MME: variants seen among roughly 807,000 people sequenced by gnomAD.
MME encodes the protein neprilysin.
A neutral mutation model predicts 113.2 loss-of-function variants in MME; 98 were observed. That is an observed-to-expected ratio of 0.87 (90% CI 0.74 to 1.02). MME has a LOEUF of 1.02. MME is among the 50% of genes least tolerant of loss of function. MME has a pLI of 0.00. For missense variants in MME, 836 were observed against 896.0 expected, an observed-to-expected ratio of 0.93 and a Z score of 0.86; for synonymous variants, 292 against 300.6, an observed-to-expected ratio of 0.97 and a Z score of 0.30.
At chr3:155,042,913 T>C (rs1451163289) in intron 1 of MME, among the ~76,000 whole-genome samples, 3 of 43,662 alleles carry the variant, frequency 6.9e-5, no homozygotes, top group Admixed American at 6.2e-4. Flanking sequence ...TATATATATA[T>C]ATATATATAT....
Position 155,181,334 on chromosome 3 carries a change from G to A in MME, c.*875G>A, listed in dbSNP as rs200708180. The A allele has an allele frequency of 3.3e-5, 5 of 152,088 alleles. No homozygotes were observed. Among genetic ancestry groups the A allele is most frequent in the Non-Finnish European group, 7.4e-5 (5 of 68,016 alleles). The allele number at this position is 152,088 out of a possible 1,614,324, so 9.4% of individuals were successfully genotyped here. A position where few individuals can be genotyped will look rare whatever the true frequency, so the allele number is the denominator to read the frequency against. On this transcript the variant is annotated 3_prime_UTR_variant, in exon 23 of 23. Coordinates refer to ENST00000360490, the MANE Select transcript of MME (RefSeq NM_007289.4). ...TAAAGCGATATACAGATGAAAATTTGAGACTATTTAAACTTATAAATCATA... is the reference window on the plus strand; with the variant it reads ...TAAAGCGATATACAGATGAAAATTTAAGACTATTTAAACTTATAAATCATA...
At chr3:155,086,959 C>A (rs151243551) in intron 3 of MME, among the ~76,000 whole-genome samples, 1 of 151,906 alleles carries the variant, frequency 6.6e-6, no homozygotes, top group East Asian at 1.9e-4. Flanking sequence ...CACCTGCCAC[C>A]ATTCCTGGCT....
At chr3:155,055,923 T>C (rs1713911377) in intron 1 of MME, among the ~76,000 whole-genome samples, 1 of 152,200 alleles carries the variant, frequency 6.6e-6, no homozygotes. Context: ...GTGCCTTTAA[T>C]TTACTCCTTC....
Position 155,042,919 on chromosome 3 carries a change from T to TATATAC in MME, c.-11+18600_-11+18601insCATATA, listed in dbSNP as rs1553749787. Among the ~76,000 whole-genome samples, 8 of 57,214 alleles carry TATATAC rather than the reference T, an allele frequency of 1.4e-4. 1 individual carries two copies. In the East Asian group the frequency reaches 5.0e-3, roughly 36 times the overall value. 37.5% of individuals were successfully genotyped at this position (57,214 alleles called of 152,430 possible). On this transcript the variant is annotated intron_variant, in intron 1 of 22. Coordinates refer to the MME transcript ENST00000492661. ...TAGGTTTTATATATATATATATATA[T>TATATAC]ATATATATATATATATATATGTATA...
intron 1 of MME, among the ~76,000 whole-genome samples, chr3:155,083,230 A>G (rs927756110): frequency 6.6e-5 from 10 of 152,282 alleles, no homozygotes; most frequent in African/African-American, 2.4e-4. Context: ...AATATTGACG[A>G]GTTGTGTAGT....
At chr3:155,078,045 T>TACACAC (rs34585642), upstream of MME, among the ~76,000 whole-genome samples, 127 of 139,838 alleles carry the variant, frequency 9.1e-4, 1 homozygote, top group East Asian at 5.2e-3. Flanking sequence ...AAAGTAAAAG[T>TACACAC]ACACACACAC....
At chr3:155,094,291 G>T (rs1161726021) in intron 3 of MME, among the ~76,000 whole-genome samples, 1 of 152,136 alleles carries the variant, frequency 6.6e-6, no homozygotes, top group East Asian at 1.9e-4. Flanking sequence ...AATTAAGTCA[G>T]TTCAGCTTTC....
In MME at chr3:155,168,570, A is replaced by G; in HGVS notation, c.1859A>G (p.Gln620Arg). 2 of 1,613,842 alleles carry G rather than the reference A, an allele frequency of 1.2e-6. No individual in the cohort carries two copies. Among genetic ancestry groups the G allele is most frequent in the Non-Finnish European group, 1.7e-6 (2 of 1,179,810 alleles). ...GCAAGTAACTTTAAGGAGCAATCCC[A>G]GTGCATGGTGTATCAGTATGGAAAC... Reference protein sequence around the residue: ...QSASNFKEQSQCMVYQYGNFS... With the variant: ...QSASNFKEQSRCMVYQYGNFS... Residue 620 changes from glutamine to arginine, a missense_variant, in exon 19 of 23, where the codon CAG (glutamine) becomes CGG (arginine). Transcript: ENST00000360490.
intron 1 of MME, among the ~76,000 whole-genome samples, chr3:155,024,783 G>A (rs1712719751): frequency 6.6e-6 from 1 of 152,100 alleles, no homozygotes; most frequent in African/African-American, 2.4e-5. Context: ...TCCTATAAAG[G>A]TGCATACTTA....
intron 1 of MME, among the ~76,000 whole-genome samples, chr3:155,029,461 T>A (rs1214662866): frequency 6.6e-6 from 1 of 152,034 alleles, no homozygotes; most frequent in Non-Finnish European, 1.5e-5. Context: ...CATTTTTATG[T>A]TTTTGTTTTT....
At chr3:155,102,838 G>A (rs574893103) in intron 3 of MME, among the ~76,000 whole-genome samples, 12 of 152,248 alleles carry the variant, frequency 7.9e-5, no homozygotes, top group Admixed American at 3.3e-4. Context: ...CCAGCATGCC[G>A]AAACCTTGAG....
chr3:155,111,135 T>C (rs1024791088), intron 3 of MME, among the ~76,000 whole-genome samples: 1 of 152,240 alleles, frequency 6.6e-6, no homozygotes, highest in Non-Finnish European at 1.5e-5. Context: ...GTTGTACGTC[T>C]GTTTCCTACG....
chr3:155,051,688 G>A lies in MME; in HGVS notation c.-11+27364G>A, dbSNP rs533257684. ...CATAGGGTCCCTCCCATGACACATG[G>A]GTATTATGGGAACTACAATTCAAGA... On this transcript the variant is annotated intron_variant, in intron 1 of 22. Transcript: ENST00000492661. 6.6e-5 allele frequency among the ~76,000 whole-genome samples: 10 copies of A among 152,140 alleles called. No homozygotes were observed. In the East Asian group the frequency reaches 1.6e-3, roughly 24 times the overall value.
Position 155,101,492 on chromosome 3 carries a change from G to A in MME, c.197-13502G>A, listed in dbSNP as rs551456442. ...CCACTTCCAGTCAGCCCTACTCTTG[G>A]TGATCTGCCTCTGACCCCAGCTCTA... On this transcript the variant is annotated intron_variant, in intron 3 of 22. Transcript: ENST00000360490. Among the ~76,000 whole-genome samples the A allele has an allele frequency of 4.3e-4, 66 of 152,268 alleles. No individual in the cohort carries two copies. In the South Asian group the frequency reaches 0.013, roughly 30 times the overall value.
chr3:155,151,957 A>G (rs1002055258), intron 16 of MME, among the ~76,000 whole-genome samples: 1 of 148,770 alleles, frequency 6.7e-6, no homozygotes, highest in Non-Finnish European at 1.5e-5. Flanking sequence ...TATCCTCCAC[A>G]CTACTACCTT....
At chr3:155,109,162 C>G (rs2108235936) in intron 3 of MME, among the ~76,000 whole-genome samples, 1 of 152,120 alleles carries the variant, frequency 6.6e-6, no homozygotes, top group Middle Eastern at 3.4e-3. Flanking sequence ...ATTATAATCA[C>G]TCCAAAACCA....
intron 3 of MME, among the ~76,000 whole-genome samples, chr3:155,091,526 G>T (rs1004156212): frequency 7.2e-5 from 11 of 152,240 alleles, no homozygotes; most frequent in Admixed American, 7.2e-4. Flanking sequence ...CATGTAGAGG[G>T]GGTGGATACA....
chr3:155,045,523 CT>C lies in MME; in HGVS notation c.-11+21214del, dbSNP rs57902267. 7.5e-3 allele frequency among the ~76,000 whole-genome samples: 1,035 copies of C among 138,310 alleles called. 1 individual carries two copies. Among genetic ancestry groups the C allele is most frequent in the Non-Finnish European group, 0.01 (655 of 62,932 alleles). 90.7% of individuals were successfully genotyped at this position (138,310 alleles called of 152,430 possible). A position where few individuals can be genotyped will look rare whatever the true frequency, so the allele number is the denominator to read the frequency against. On this transcript the variant is annotated intron_variant, in intron 1 of 22. Transcript: ENST00000492661. ...GTTTGGATCTTTCAAAATTAATTAT[CT>C]TTTTTTTTTTTTTTGGTTTTGAGAC...
At chr3:155,039,660 A>G (rs565877189) in intron 1 of MME, among the ~76,000 whole-genome samples, 1 of 152,280 alleles carries the variant, frequency 6.6e-6, no homozygotes, top group Admixed American at 6.5e-5. Flanking sequence ...TTTCACTGCA[A>G]TTATGTAAGA....
Sources: gnomAD v4.1 joint callset for allele counts (sites outside exome capture counted in the v4.1 genomes callset) on GRCh38, gnomAD v4.1.1 for gene constraint, MANE v1.5 for transcripts, NCBI Gene and HGNC (gene_info 2026-07-23, HGNC 2026-07-21) for gene names.